Variants in CUL5 observed in about 807,000 individuals in gnomAD.
CUL5 encodes the protein cullin-5.
A neutral mutation model predicts 108.8 loss-of-function variants in CUL5; 26 were observed. The ratio of observed to expected loss-of-function variants is 0.24; its 90% CI spans 0.18 to 0.33. The LOEUF (loss-of-function observed/expected upper bound fraction) is 0.33, where lower values mean the gene tolerates loss of function less well. Among genes scored for constraint, CUL5 ranks in the 10% least tolerant of loss-of-function variants. The probability of loss-of-function intolerance (pLI) is 1.00; values close to 1 mark genes in which losing one functional copy is unlikely to be tolerated. For missense variants in CUL5, 524 were observed against 909.2 expected, an observed-to-expected ratio of 0.58 and a Z score of 5.45; for synonymous variants, 334 against 298.0, an observed-to-expected ratio of 1.12 and a Z score of -1.25.
intron 13 of CUL5, among the ~76,000 whole-genome samples, chr11:108,091,040 C>T (rs2056268): frequency 0.97 from 148,157 of 152,218 alleles, 72,209 homozygotes; most frequent in East Asian, 1. Context: ...ATTAAATTTT[C>T]TTTCTTTCTT....
intron 5 of CUL5, among the ~76,000 whole-genome samples, chr11:108,053,685 T>C (rs1863297857): frequency 1.3e-5 from 2 of 151,664 alleles, no homozygotes; most frequent in Non-Finnish European, 2.9e-5. Flanking sequence ...ATGCTTTTTT[T>C]TTTTTTTTTT....
chr11:108,021,239 A>G (rs560599741), intron 1 of CUL5, among the ~76,000 whole-genome samples: 3 of 152,334 alleles, frequency 2.0e-5, no homozygotes, highest in South Asian at 2.1e-4. Context: ...CTAATCCACA[A>G]TCAGTATGGC....
chr11:108,030,698 T>C (rs1331370660), intron 1 of CUL5, among the ~76,000 whole-genome samples: 3 of 152,312 alleles, frequency 2.0e-5, no homozygotes, highest in African/African-American at 7.2e-5. Context: ...CAAGACAGTA[T>C]ATTAACTTTT....
At position 108,089,574 on chromosome 11, in the gene CUL5, A is replaced by G. The variant is rs930375566; in HGVS notation, c.1394A>G (p.Asp465Gly). Residue 465 changes from aspartate to glycine, a missense_variant, in exon 13 of 19, where the codon GAC (aspartate) becomes GGC (glycine). Asp to Gly is a moderately conservative substitution (Grantham distance 94). Coordinates refer to ENST00000393094, the MANE Select transcript of CUL5 (RefSeq NM_003478.6). ...KAHLTRRLILDISADSEIEEN... is the reference protein window; with the variant it reads ...KAHLTRRLILGISADSEIEEN... ...CATTTGACACGACGTCTTATATTAG[A>G]CATCTCTGCCGATAGTGAAATTGAA... 6.4e-7 allele frequency: 1 copy of G among 1,564,128 alleles called. No individual in the cohort carries two copies. Among genetic ancestry groups the G allele is most frequent in the Non-Finnish European group, 8.6e-7 (1 of 1,162,388 alleles).
chr11:108,097,114 T>G (rs1246409057), intron 16 of CUL5, among the ~76,000 whole-genome samples: 1 of 152,024 alleles, frequency 6.6e-6, no homozygotes, highest in African/African-American at 2.4e-5. Flanking sequence ...ATCTCCCAGG[T>G]TCAAGCGATC....
rs1591328164 is a variant in CUL5, at chr11:108,088,575, C to T, written c.1227C>T (p.Ala409=). The change falls in exon 12 of 19, where the codon GCC becomes GCT. Residue 409 remains alanine (A), a synonymous_variant. Coordinates refer to ENST00000393094, the MANE Select transcript of CUL5 (RefSeq NM_003478.6). ...QPESKCPELL[A]NYCDMLLRKT... is the part of the protein sequence containing the mutation. ...AATCAAAATGCCCTGAGCTGCTTGC[C>T]AATTACTGTGACATGTTGCTAAGAA... The T allele has an allele frequency of 6.2e-7, 1 of 1,611,498 alleles. No individual in the cohort carries two copies. The highest frequency in any genetic ancestry group is 8.5e-7 in the Non-Finnish European group (1 of 1,178,774).
intron 10 of CUL5, chr11:108,073,931 A>G (rs768612129): frequency 6.5e-6 from 1 of 153,592 alleles, no homozygotes; most frequent in Non-Finnish European, 1.4e-5. Flanking sequence ...TGTTATACTT[A>G]TCCTTGTTTC....
At chr11:108,079,302 C>T (rs754822984) in intron 11 of CUL5, among the ~76,000 whole-genome samples, 19 of 152,070 alleles carry the variant, frequency 1.2e-4, no homozygotes, top group Non-Finnish European at 2.1e-4. Context: ...GACGGGGTTT[C>T]GCCATATTGG....
At chr11:108,044,671 A>G (rs1427974210) in intron 2 of CUL5, among the ~76,000 whole-genome samples, 7 of 151,626 alleles carry the variant, frequency 4.6e-5, no homozygotes, top group Admixed American at 4.6e-4. Context: ...CTTCACTATG[A>G]CCCTGTCCTT....
At chr11:108,011,784 C>T (rs529212325) in intron 1 of CUL5, among the ~76,000 whole-genome samples, 2 of 152,252 alleles carry the variant, frequency 1.3e-5, no homozygotes, top group East Asian at 1.9e-4. Context: ...CACGCCACCA[C>T]GCCCAGCTAA....
intron 18 of CUL5, among the ~76,000 whole-genome samples, chr11:108,103,508 A>T (rs919132096): frequency 1.3e-5 from 2 of 152,192 alleles, no homozygotes; most frequent in Non-Finnish European, 2.9e-5. Context: ...TAAATATATA[A>T]AGAGTACTAC....
At position 108,039,349 on chromosome 11, in the gene CUL5, C is replaced by T. The variant is rs181588949; in HGVS notation, c.134+5438C>T. ...CATGCTTATGAACTCCAGTCATGAA[C>T]ACTCCTTCTGTGTCTTTCTCCTCAC... On this transcript the variant is annotated intron_variant, in intron 2 of 18. Coordinates refer to ENST00000393094, the MANE Select transcript of CUL5 (RefSeq NM_003478.6). Among the ~76,000 whole-genome samples the T allele has an allele frequency of 1.8e-4, 27 of 152,254 alleles. No individual in the cohort carries two copies. In the East Asian group the frequency reaches 5.2e-3, roughly 29 times the overall value.
At chr11:108,089,697 T>C in intron 13 of CUL5, 74 bp downstream of exon 13, 1 of 820,010 alleles carries the variant, frequency 1.2e-6, no homozygotes, top group Non-Finnish European at 1.8e-6. Flanking sequence ...GTAATACATT[T>C]TGGAGATATT....
intron 10 of CUL5, among the ~76,000 whole-genome samples, chr11:108,076,570 G>T (rs67456286): frequency 0.2 from 29,886 of 151,996 alleles, 3,079 homozygotes; most frequent in Non-Finnish European, 0.22. Flanking sequence ...TTATTTTTAA[G>T]GTCTTCCAGG....
At chr11:108,099,223 T>G (rs1311487106) in intron 18 of CUL5, among the ~76,000 whole-genome samples, 1 of 152,182 alleles carries the variant, frequency 6.6e-6, no homozygotes, top group African/African-American at 2.4e-5. Flanking sequence ...CAGGCTGGTC[T>G]CGAACTCCTG....
At chr11:108,055,699 C>T (rs1221037968) in intron 7 of CUL5, among the ~76,000 whole-genome samples, 2 of 151,508 alleles carry the variant, frequency 1.3e-5, no homozygotes, top group Non-Finnish European at 2.9e-5. Flanking sequence ...GGTGCAATCT[C>T]GGCTCACTGC....
chr11:108,035,752 CAA>C (rs530414592), intron 2 of CUL5, among the ~76,000 whole-genome samples: 13 of 124,952 alleles, frequency 1.0e-4, no homozygotes, highest in Admixed American at 1.6e-4. Flanking sequence ...GACCTTGTCT[CAA>C]AAAAAAAAAA....
intron 18 of CUL5, among the ~76,000 whole-genome samples, chr11:108,100,429 G>A (rs1336069346): frequency 6.6e-6 from 1 of 151,944 alleles, no homozygotes; most frequent in Non-Finnish European, 1.5e-5. Context: ...TGTAATCCCA[G>A]CTACTTGGGG....
rs183721130 is a variant in CUL5 at position 108,015,886 on chromosome 11, A to G, written c.24+6514A>G. Among the ~76,000 whole-genome samples the G allele has an allele frequency of 7.2e-5, 11 of 152,204 alleles. No homozygotes were observed. In the East Asian group the frequency reaches 2.1e-3, roughly 29 times the overall value. ...TAGACTGCTGGAAGGTAGAAAGAGG[A>G]TACTAGGCATCTTTCTAGTAAAAAG... On this transcript the variant is annotated intron_variant, in intron 1 of 18. Transcript: ENST00000393094.
Sources: gnomAD v4.1 joint callset for allele counts (sites outside exome capture counted in the v4.1 genomes callset) on GRCh38, gnomAD v4.1.1 for gene constraint, MANE v1.5 for transcripts, NCBI Gene and HGNC (gene_info 2026-07-23, HGNC 2026-07-21) for gene names.